The following SHISA9 variants were observed in gnomAD, a reference collection of about 807,000 sequenced individuals.
SHISA9 encodes protein shisa-9.
Under a neutral mutation model 38.0 loss-of-function variants are expected in SHISA9, and 13 were observed. The ratio of observed to expected loss-of-function variants is 0.34; its 90% CI spans 0.22 to 0.54. The LOEUF (loss-of-function observed/expected upper bound fraction) is 0.54, where lower values mean the gene tolerates loss of function less well. Among genes scored for constraint, SHISA9 ranks in the 20% least tolerant of loss-of-function variants. The pLI is 0.91. For synonymous variants in SHISA9, 275 were observed against 242.0 expected, an observed-to-expected ratio of 1.14 and a Z score of -1.27; for missense variants, 538 against 575.8, an observed-to-expected ratio of 0.93 and a Z score of 0.67.
chr16:13,186,538 C>T (rs1388746639), intron 2 of SHISA9, among the ~76,000 whole-genome samples: 1 of 151,990 alleles, frequency 6.6e-6, no homozygotes, highest in Non-Finnish European at 1.5e-5. Context: ...CCTCGTGATA[C>T]ACCCGCCTCT....
chr16:13,025,103 C>A (rs2072904817), intron 2 of SHISA9, among the ~76,000 whole-genome samples: 1 of 151,994 alleles, frequency 6.6e-6, no homozygotes, highest in Admixed American at 6.6e-5. Flanking sequence ...ATTAGATTTC[C>A]CCTTTTCTGA....
At position 12,998,033 on chromosome 16, in the gene SHISA9, G is replaced by A. The variant is rs566932939; in HGVS notation, c.691+81218G>A. ...GAAGAGAAAACTATAGACTGGGTCC[G>A]TATTTTATTCACTGTTGTATCTGCG... On this transcript the variant is annotated intron_variant, in intron 2 of 4. Transcript: ENST00000558583. 3.9e-5 allele frequency among the ~76,000 whole-genome samples: 6 copies of A among 152,266 alleles called. No individual in the cohort carries two copies. In the East Asian group the frequency reaches 9.6e-4, roughly 24 times the overall value.
chr16:13,056,687 C>T (rs2073314340), intron 2 of SHISA9, among the ~76,000 whole-genome samples: 1 of 152,190 alleles, frequency 6.6e-6, no homozygotes, highest in African/African-American at 2.4e-5. Flanking sequence ...AGTTTCCTTT[C>T]CCATAAAACT....
intron 2 of SHISA9, among the ~76,000 whole-genome samples, chr16:13,045,775 G>C (rs1114176): frequency 6.6e-6 from 1 of 152,062 alleles, no homozygotes; most frequent in Non-Finnish European, 1.5e-5. Context: ...TGTCCCCCAG[G>C]GGGAGTCTGC....
At chr16:12,992,281 T>C (rs1196491185) in intron 2 of SHISA9, among the ~76,000 whole-genome samples, 1 of 151,014 alleles carries the variant, frequency 6.6e-6, no homozygotes, top group Non-Finnish European at 1.5e-5. Flanking sequence ...CCCCAGCACT[T>C]TGGGAGGCCG....
intron 2 of SHISA9, among the ~76,000 whole-genome samples, chr16:12,933,707 A>G (rs1169490942): frequency 6.6e-6 from 1 of 152,230 alleles, no homozygotes; most frequent in African/African-American, 2.4e-5. Context: ...AATGGGGCAC[A>G]TTATGTTGTG....
At chr16:13,326,089 A>G in the SHISA9 span, among the ~76,000 whole-genome samples, 16 of 152,034 alleles carry the variant, frequency 1.1e-4, no homozygotes, top group African/African-American at 3.9e-4. Context: ...AAAGAAAGAA[A>G]AAAAAGATGC....
chr16:13,548,861 G>A, the SHISA9 span, among the ~76,000 whole-genome samples: 2 of 152,166 alleles, frequency 1.3e-5, no homozygotes, highest in South Asian at 4.2e-4. Context: ...CCACAGCTGG[G>A]TATATATACA....
intron 2 of SHISA9, among the ~76,000 whole-genome samples, chr16:13,067,999 A>G (rs1481530431): frequency 4.6e-5 from 7 of 152,140 alleles, no homozygotes; most frequent in Admixed American, 4.6e-4. Context: ...TCTCCAACAC[A>G]CAGTCAGTTT....
the SHISA9 span, among the ~76,000 whole-genome samples, chr16:13,382,361 C>T: frequency 6.6e-6 from 1 of 150,544 alleles, no homozygotes; most frequent in African/African-American, 2.4e-5. Context: ...AACCCCGTCT[C>T]TACTAAAAAT....
chr16:13,187,968 G>A (rs988487873), intron 2 of SHISA9, among the ~76,000 whole-genome samples: 1 of 152,104 alleles, frequency 6.6e-6, no homozygotes, highest in Admixed American at 6.5e-5. Flanking sequence ...CTAGAGACTT[G>A]CTGTAGATCA....
intron 4 of SHISA9, among the ~76,000 whole-genome samples, chr16:13,233,392 A>T (rs934990152): frequency 1.3e-5 from 2 of 152,224 alleles, no homozygotes; most frequent in Non-Finnish European, 2.9e-5. Flanking sequence ...ACTCTTTTGT[A>T]GAATAGTTGG....
chr16:12,967,872 G>T (rs1488745643), intron 2 of SHISA9, among the ~76,000 whole-genome samples: 1 of 152,062 alleles, frequency 6.6e-6, no homozygotes, highest in Admixed American at 6.6e-5. Flanking sequence ...CTGCATGTTA[G>T]AATTACCAGG....
chr16:13,050,716 G>A (rs1018474246), intron 2 of SHISA9, among the ~76,000 whole-genome samples: 1 of 152,230 alleles, frequency 6.6e-6, no homozygotes, highest in South Asian at 2.1e-4. Flanking sequence ...AACTGGGGAA[G>A]CCAGGCCATG....
At chr16:13,458,452 C>A in the SHISA9 span, 2 of 381,510 alleles carry the variant, frequency 5.2e-6, no homozygotes, top group African/African-American at 2.2e-5. Context: ...TCAGATAAAG[C>A]GGAGGGAAGG....
the SHISA9 span, among the ~76,000 whole-genome samples, chr16:13,493,514 G>A: frequency 3.9e-5 from 6 of 152,132 alleles, no homozygotes; most frequent in African/African-American, 9.7e-5. Context: ...TGAGACACAC[G>A]GGGCTCTGAT....
intron 2 of SHISA9, among the ~76,000 whole-genome samples, chr16:13,186,219 T>G (rs1036173634): frequency 2.0e-5 from 3 of 149,552 alleles, no homozygotes; most frequent in African/African-American, 4.9e-5. Flanking sequence ...AAGCACATTG[T>G]TGTGTGTGTG....
intron 2 of SHISA9, among the ~76,000 whole-genome samples, chr16:13,019,988 C>A (rs1371905628): frequency 8.0e-6 from 1 of 124,768 alleles, no homozygotes; most frequent in South Asian, 2.7e-4. Flanking sequence ...TCCTTCCTTC[C>A]TTCCTTCCTT....
At position 12,960,448 on chromosome 16, in the gene SHISA9, T is replaced by C. The variant is rs534102638; in HGVS notation, c.691+43633T>C. Among the ~76,000 whole-genome samples, 3 of 152,224 alleles carry C rather than the reference T, an allele frequency of 2.0e-5. No individual in the cohort carries two copies. In the South Asian group the frequency reaches 6.2e-4, roughly 32 times the overall value. On this transcript the variant is annotated intron_variant, in intron 2 of 4. Coordinates refer to ENST00000558583, the MANE Select transcript of SHISA9 (RefSeq NM_001145204.3). The stretch of plus-strand genomic sequence containing the variant: ...CTCAAAGGAATAGAAATCACCCTAT[T>C]CTAAAGATACGTGCACACATATGTT...
Sources: gnomAD v4.1 joint callset for allele counts (sites outside exome capture counted in the v4.1 genomes callset) on GRCh38, gnomAD v4.1.1 for gene constraint, MANE v1.5 for transcripts, NCBI Gene and HGNC (gene_info 2026-07-23, HGNC 2026-07-21) for gene names.